CDH13: variants seen among roughly 807,000 people sequenced by gnomAD.
CDH13 encodes cadherin 13.
Under a neutral mutation model 63.8 loss-of-function variants are expected in CDH13, and 24 were observed. The ratio of observed to expected loss-of-function variants is 0.38; its 90% CI spans 0.27 to 0.53. The LOEUF is 0.53. Ranked by LOEUF, CDH13 falls within the 20% of genes least tolerant of loss-of-function variation. The pLI, the probability that CDH13 is intolerant of heterozygous loss-of-function variation, is 0.85. For missense variants in CDH13, 1,049 were observed against 903.1 expected (o/e 1.16, Z -2.07); for synonymous variants, 503 against 355.3 (o/e 1.42, Z -4.67).
intron 2 of CDH13, among the ~76,000 whole-genome samples, chr16:82,862,749 C>G (rs2039992830): frequency 6.6e-6 from 1 of 152,238 alleles, no homozygotes; most frequent in Admixed American, 6.5e-5. Flanking sequence ...TGTCAAACAA[C>G]TCTAGTGACT....
At chr16:82,905,756 T>C (rs568899306) in intron 2 of CDH13, among the ~76,000 whole-genome samples, 1 of 152,316 alleles carries the variant, frequency 6.6e-6, no homozygotes, top group South Asian at 2.1e-4. Flanking sequence ...TATTCACATA[T>C]TTGACCTTTT....
At chr16:82,887,366 C>A (rs12716955) in intron 2 of CDH13, among the ~76,000 whole-genome samples, 111,366 of 152,090 alleles carry the variant, frequency 0.73, 41,114 homozygotes, top group East Asian at 0.88. Flanking sequence ...TAGGCATTTT[C>A]ATTCATTGTT....
chr16:82,950,784 A>G (rs1905210413), intron 2 of CDH13, among the ~76,000 whole-genome samples: 1 of 151,028 alleles, frequency 6.6e-6, no homozygotes, highest in Non-Finnish European at 1.5e-5. Context: ...AAATAAAGTC[A>G]CTGAGAGTTA....
At chr16:82,899,126 T>C (rs2041370910) in intron 2 of CDH13, among the ~76,000 whole-genome samples, 1 of 152,244 alleles carries the variant, frequency 6.6e-6, no homozygotes, top group African/African-American at 2.4e-5. Flanking sequence ...GAGGGCACAG[T>C]GTGCCTTCCT....
At chr16:83,096,017 C>T (rs1466753668) in intron 3 of CDH13, among the ~76,000 whole-genome samples, 1 of 152,134 alleles carries the variant, frequency 6.6e-6, no homozygotes, top group African/African-American at 2.4e-5. Flanking sequence ...AGCAACAAGA[C>T]AAAGGTCCAG....
chr16:83,275,467 T>G (rs4145654), intron 5 of CDH13, among the ~76,000 whole-genome samples: 149,968 of 152,286 alleles, frequency 0.98, 73,886 homozygotes, highest in Middle Eastern at 1. Flanking sequence ...GCACTGACAT[T>G]AGTGCTCATG....
chr16:83,401,816 G>A (rs143621641), intron 6 of CDH13, among the ~76,000 whole-genome samples: 4 of 152,232 alleles, frequency 2.6e-5, no homozygotes, highest in Non-Finnish European at 5.9e-5. Context: ...ATTCATGTAG[G>A]TGAAAAACTT....
intron 8 of CDH13, among the ~76,000 whole-genome samples, chr16:83,619,512 G>C (rs2150775101): frequency 6.6e-6 from 1 of 152,334 alleles, no homozygotes; most frequent in East Asian, 1.9e-4. Context: ...CAAGAGCAAG[G>C]CACTGGCAGG....
chr16:83,171,974 T>G (rs2037939101), intron 4 of CDH13, among the ~76,000 whole-genome samples: 1 of 152,152 alleles, frequency 6.6e-6, no homozygotes, highest in African/African-American at 2.4e-5. Context: ...AGCCCCATTC[T>G]CAGGGGTAGC....
intron 4 of CDH13, among the ~76,000 whole-genome samples, chr16:83,129,099 C>A (rs1326631205): frequency 6.6e-6 from 1 of 152,146 alleles, no homozygotes; most frequent in African/African-American, 2.4e-5. Flanking sequence ...TCATCAACTC[C>A]ACCACAGCTG....
At chr16:82,890,720 T>G (rs2041051568) in intron 2 of CDH13, among the ~76,000 whole-genome samples, 1 of 151,818 alleles carries the variant, frequency 6.6e-6, no homozygotes, top group African/African-American at 2.4e-5. Flanking sequence ...GGCATGATCT[T>G]GGCTCACTGC....
At chr16:83,067,055 C>T (rs145624531) in intron 3 of CDH13, among the ~76,000 whole-genome samples, 5 of 152,142 alleles carry the variant, frequency 3.3e-5, no homozygotes, top group Non-Finnish European at 7.4e-5. Context: ...GATGACTGAC[C>T]GTTTTAAGCG....
intron 3 of CDH13, among the ~76,000 whole-genome samples, chr16:83,050,306 C>T (rs1346476493): frequency 6.6e-6 from 1 of 151,878 alleles, no homozygotes; most frequent in Non-Finnish European, 1.5e-5. Flanking sequence ...CCCAACTGTC[C>T]CCTAGGAGTG....
intron 2 of CDH13, among the ~76,000 whole-genome samples, chr16:82,866,311 T>A (rs920171669): frequency 6.6e-6 from 1 of 151,648 alleles, no homozygotes; most frequent in Non-Finnish European, 1.5e-5. Flanking sequence ...GGTATCCTTA[T>A]AGCAGCACCC....
At chr16:83,624,964 G>T (rs542877578) in intron 8 of CDH13, among the ~76,000 whole-genome samples, 1 of 152,190 alleles carries the variant, frequency 6.6e-6, no homozygotes, top group Non-Finnish European at 1.5e-5. Context: ...GCTGATTGCC[G>T]CATGTCTTGC....
rs150411277 is a variant in CDH13 at position 83,262,795 on chromosome 16, A to G, written c.636+45298A>G. Among the ~76,000 whole-genome samples, 5 of 152,336 alleles carry G rather than the reference A, an allele frequency of 3.3e-5. No homozygotes were observed. In the East Asian group the frequency reaches 9.6e-4, roughly 29 times the overall value. On this transcript the variant is annotated intron_variant, in intron 5 of 13. Transcript: ENST00000567109. ...GTGTTTCTTTGGCAGATGTTTCTCAAATATTTGGGGTGGTTTCAATGGTTT... is the reference window on the plus strand; with the variant it reads ...GTGTTTCTTTGGCAGATGTTTCTCAGATATTTGGGGTGGTTTCAATGGTTT...
chr16:83,613,004 C>G (rs534712009), intron 8 of CDH13, among the ~76,000 whole-genome samples: 17 of 152,234 alleles, frequency 1.1e-4, no homozygotes, highest in African/African-American at 3.1e-4. Context: ...TAAGTTCTCT[C>G]ATATATTATC....
intron 3 of CDH13, among the ~76,000 whole-genome samples, chr16:83,045,511 C>T (rs1917696158): frequency 6.6e-6 from 1 of 151,794 alleles, no homozygotes; most frequent in African/African-American, 2.4e-5. Flanking sequence ...GTGGCAGGTG[C>T]CTGTAATCCC....
intron 2 of CDH13, among the ~76,000 whole-genome samples, chr16:82,940,982 G>A (rs1408923826): frequency 6.6e-6 from 1 of 152,174 alleles, no homozygotes; most frequent in Admixed American, 6.5e-5. Context: ...TGGAGAAGGT[G>A]CACATTTGGG....
Sources: allele counts gnomAD v4.1 joint callset (sites outside exome capture counted in the v4.1 genomes callset), GRCh38; gene constraint gnomAD v4.1.1; transcripts MANE v1.5; gene names NCBI Gene and HGNC (gene_info 2026-07-23, HGNC 2026-07-21).